Variants in PLLP observed in about 807,000 individuals in gnomAD.
PLLP encodes the protein plasma membrane proteolipid (plasmolipin).
In PLLP, 15 loss-of-function variants were observed where a neutral mutation model predicts 19.7. The observed-to-expected ratio is 0.76, with a 90% CI of 0.51 to 1.17. The LOEUF (loss-of-function observed/expected upper bound fraction) is 1.17. Among genes scored for constraint, PLLP ranks in the 50% most tolerant of loss-of-function variants. The pLI, the probability that PLLP is intolerant of heterozygous loss-of-function variation, is 0.00. For synonymous variants in PLLP, 111 were observed against 116.3 expected, an observed-to-expected ratio of 0.95 and a Z score of 0.29; for missense variants, 255 against 258.3, an observed-to-expected ratio of 0.99 and a Z score of 0.09.
rs559478167 is a variant in PLLP, at chr16:57,256,163, G to T, written c.*750C>A. 1 of 396,334 alleles carries T rather than the reference G, an allele frequency of 2.5e-6. No homozygotes were observed. Among genetic ancestry groups the T allele is most frequent in the Non-Finnish European group, 4.4e-6 (1 of 225,094 alleles). The allele number at this position is 396,334 out of a possible 1,614,324, so 24.6% of individuals were successfully genotyped here. On this transcript the variant is annotated 3_prime_UTR_variant, in exon 4 of 4. Coordinates refer to ENST00000219207, the MANE Select transcript of PLLP (RefSeq NM_015993.3). ...GTCACCACCAACCACATGACAACTC[G>T]CCAGGCAAGGCCTTGCTTCCCTCCC...
rs1196120526 is a variant in PLLP at position 57,256,187 on chromosome 16, C to T, written c.*726G>A. On this transcript the variant is annotated 3_prime_UTR_variant, in exon 4 of 4. Coordinates refer to ENST00000219207, the MANE Select transcript of PLLP (RefSeq NM_015993.3). ...CGCCAGGCAAGGCCTTGCTTCCCTC[C>T]CTCCTTTGCGTCCCATGTGCCTAGT... is the stretch of plus-strand genomic sequence containing the variant. The T allele has an allele frequency of 5.1e-6, 2 of 396,000 alleles. No individual in the cohort carries two copies. Among genetic ancestry groups the T allele is most frequent in the East Asian group, 3.6e-5 (1 of 27,988 alleles). The allele number at this position is 396,000 out of a possible 1,614,324, so 24.5% of individuals were successfully genotyped here. A position where few individuals can be genotyped will look rare whatever the true frequency, so the allele number is the denominator to read the frequency against.
Sources: allele counts gnomAD v4.1 joint callset, GRCh38; gene constraint gnomAD v4.1.1; transcripts MANE v1.5; gene names NCBI Gene and HGNC (gene_info 2026-07-23, HGNC 2026-07-21).